RNF17: variants seen among roughly 807,000 people sequenced by gnomAD.
The protein encoded by RNF17 is ring finger protein 17.
A neutral mutation model predicts 200.5 loss-of-function variants in RNF17; 31 were observed. That is an observed-to-expected ratio of 0.15 (90% CI 0.12 to 0.21). The LOEUF is 0.21. RNF17 is among the 10% of genes least tolerant of loss of function. The probability of loss-of-function intolerance (pLI) is 1.00; values close to 1 mark genes in which losing one functional copy is unlikely to be tolerated. For synonymous variants in RNF17, 606 were observed against 637.8 expected, an observed-to-expected ratio of 0.95 and a Z score of 0.75; for missense variants, 1,628 against 1,905.1, an observed-to-expected ratio of 0.85 and a Z score of 2.71.
At chr13:24,858,968 T>C (rs1287870796) in intron 25 of RNF17, 33 bp from the exon 26 acceptor site, 1 of 1,388,462 alleles carries the variant, frequency 7.2e-7, no homozygotes, top group African/African-American at 1.4e-5. Context: ...GGAATTTTCC[T>C]TAATGCTTTC....
chr13:24,757,325 T>C, the RNF17 span, among the ~76,000 whole-genome samples: 1 of 151,602 alleles, frequency 6.6e-6, no homozygotes, highest in South Asian at 2.1e-4. Flanking sequence ...AATATTCTTT[T>C]TTTTTTTTTT....
In RNF17 at chr13:24,857,796, A is replaced by G. The variant is rs562353280; in HGVS notation, c.3611-1205A>G. Among the ~76,000 whole-genome samples the G allele has an allele frequency of 3.7e-4, 56 of 152,180 alleles. No individual in the cohort carries two copies. The East Asian group carries it at 0.011, about 29-fold the overall frequency. Reference sequence around the variant, plus strand: ...TGCCTGGGTCTCAGCTACTCAGGAAACTGAGGCAGGAGGATTGCTTGAGCC... The same window carrying G: ...TGCCTGGGTCTCAGCTACTCAGGAAGCTGAGGCAGGAGGATTGCTTGAGCC... On this transcript the variant is annotated intron_variant, in intron 25 of 35. Coordinates refer to ENST00000255324, the MANE Select transcript of RNF17 (RefSeq NM_031277.3).
intron 22 of RNF17, among the ~76,000 whole-genome samples, chr13:24,846,412 C>T (rs1328840780): frequency 6.6e-6 from 1 of 152,154 alleles, no homozygotes; most frequent in Non-Finnish European, 1.5e-5. Flanking sequence ...GGCCCTCCCC[C>T]AGAGGTTCAG....
rs774151069 is a variant in RNF17 at position 24,825,790 on chromosome 13, G to T, written c.2245+18G>T. The T allele has an allele frequency of 5.9e-5, 95 of 1,606,126 alleles. No homozygotes were observed. Among genetic ancestry groups the T allele is most frequent in the Non-Finnish European group, 7.4e-5 (87 of 1,175,700 alleles). On this transcript the variant is annotated intron_variant, in intron 16 of 35. Transcript: ENST00000255324. The stretch of plus-strand genomic sequence containing the variant: ...AGTTATCGGTAGGAGAATGCATGCT[G>T]TTTCTACAGGGAGATGTCATACTTC...
At chr13:24,851,661 T>A (rs1350648894) in intron 24 of RNF17, 90 bp downstream of exon 24, 12 of 730,862 alleles carry the variant, frequency 1.6e-5, no homozygotes, top group Non-Finnish European at 2.3e-5. Context: ...CAAGTCTGAA[T>A]TGCATCTTGT....
intron 18 of RNF17, among the ~76,000 whole-genome samples, chr13:24,837,648 G>A (rs887971536): frequency 6.6e-6 from 1 of 152,090 alleles, no homozygotes; most frequent in Admixed American, 6.5e-5. Context: ...CAAACTGAAC[G>A]ACATAATGAC....
At chr13:24,863,274 G>A (rs1372828948) in intron 28 of RNF17, among the ~76,000 whole-genome samples, 1 of 152,176 alleles carries the variant, frequency 6.6e-6, no homozygotes, top group Non-Finnish European at 1.5e-5. Context: ...AAGAGTAAAT[G>A]TAATAGGAAT....
intron 1 of RNF17, among the ~76,000 whole-genome samples, chr13:24,764,686 GA>G (rs1879330727): frequency 2.0e-5 from 3 of 152,200 alleles, no homozygotes. Flanking sequence ...TTGTCATCAA[GA>G]AGGAACGAAA....
In RNF17 at chr13:24,768,214, A is replaced by ATTTAATACAAATATAAGTG. The variant is rs780839616; in HGVS notation, c.225+850_225+868dup. Among the ~76,000 whole-genome samples the ATTTAATACAAATATAAGTG allele has an allele frequency of 7.1e-4, 108 of 152,152 alleles. 1 individual carries two copies. The highest frequency in any genetic ancestry group is 2.2e-3 in the Admixed American group (34 of 15,286). ...ATAAAATTTACTTGATATCCTATTC[A>ATTTAATACAAATATAAGTG]TTTAATACAAATATAAGTGTAGTTC... On this transcript the variant is annotated intron_variant, in intron 2 of 35. Coordinates refer to ENST00000255324, the MANE Select transcript of RNF17 (RefSeq NM_031277.3).
rs142254285 is a variant in RNF17, at chr13:24,839,399, A to G, written c.2483-2642A>G. Among the ~76,000 whole-genome samples the G allele has an allele frequency of 3.1e-3, 465 of 152,270 alleles. 15 individuals are homozygous for G. In the East Asian group the frequency reaches 0.072, roughly 23 times the overall value. On this transcript the variant is annotated intron_variant, in intron 18 of 35. Coordinates refer to ENST00000255324, the MANE Select transcript of RNF17 (RefSeq NM_031277.3). ...GAAAAAACAATTCTAAAATTCATATAGAACCAAAAAAGAGGCCACATAGCC... is the reference window on the plus strand; with the variant it reads ...GAAAAAACAATTCTAAAATTCATATGGAACCAAAAAAGAGGCCACATAGCC...
chr13:24,803,140 T>G (rs549866767), intron 14 of RNF17, among the ~76,000 whole-genome samples: 57 of 5,230 alleles, frequency 0.011, no homozygotes, highest in African/African-American at 0.013. Flanking sequence ...TTTGGACTCT[T>G]GATAACTATT....
chr13:24,765,334 T>A (rs1879510421), intron 1 of RNF17, among the ~76,000 whole-genome samples: 1 of 152,260 alleles, frequency 6.6e-6, no homozygotes, highest in Admixed American at 6.5e-5. Flanking sequence ...TATTTTAATG[T>A]AACTTAAAAT....
chr13:24,858,033 G>A (rs1480585742), intron 25 of RNF17, among the ~76,000 whole-genome samples: 1 of 152,146 alleles, frequency 6.6e-6, no homozygotes. Flanking sequence ...ATGTGCAAAT[G>A]CTGCAAATGC....
intron 25 of RNF17, among the ~76,000 whole-genome samples, chr13:24,854,474 T>C (rs1279331614): frequency 6.6e-6 from 1 of 152,060 alleles, no homozygotes; most frequent in Non-Finnish European, 1.5e-5. Flanking sequence ...CCAATTTTTT[T>C]TTTTAATGAA....
the RNF17 span, among the ~76,000 whole-genome samples, chr13:24,752,373 G>A: frequency 1.3e-5 from 2 of 152,332 alleles, no homozygotes; most frequent in East Asian, 3.9e-4. Context: ...CTGCCATACA[G>A]ATACACACAG....
chr13:24,763,549 G>T (rs962584393), upstream of RNF17, among the ~76,000 whole-genome samples: 7 of 152,058 alleles, frequency 4.6e-5, no homozygotes, highest in African/African-American at 1.7e-4. Flanking sequence ...TCTAACACAG[G>T]TCCGGTACAT....
At chr13:24,785,652 T>C (rs926875089) in intron 6 of RNF17, among the ~76,000 whole-genome samples, 2 of 152,150 alleles carry the variant, frequency 1.3e-5, no homozygotes, top group South Asian at 2.1e-4. Flanking sequence ...GCTTTATTGA[T>C]TCTACACTGG....
At chr13:24,868,294 C>G (rs1436848803) in intron 30 of RNF17, among the ~76,000 whole-genome samples, 7 of 150,072 alleles carry the variant, frequency 4.7e-5, no homozygotes, top group African/African-American at 1.7e-4. Context: ...AACGGTGAAA[C>G]CCCGTCTCTA....
Position 24,778,374 on chromosome 13 carries a change from A to G in RNF17, c.397A>G (p.Lys133Glu). ...TTTAGAACGTTCAGCCTCCACAGAC[A>G]AGACTCTTTTGAACTCATCAGCTGT... ...TGLERSASTDKTLLNSSAVML... is the reference protein window; with the variant it reads ...TGLERSASTDETLLNSSAVML... Residue 133 changes from lysine to glutamate, a missense_variant, in exon 4 of 36, where the codon AAG (lysine) becomes GAG (glutamate). Coordinates refer to ENST00000255324, the MANE Select transcript of RNF17 (RefSeq NM_031277.3). The G allele has an allele frequency of 6.2e-7, 1 of 1,613,638 alleles. No individual in the cohort carries two copies. Among genetic ancestry groups the G allele is most frequent in the East Asian group, 2.2e-5 (1 of 44,882 alleles).
Sources: allele counts gnomAD v4.1 joint callset (sites outside exome capture counted in the v4.1 genomes callset), GRCh38; gene constraint gnomAD v4.1.1; transcripts MANE v1.5; gene names NCBI Gene and HGNC (gene_info 2026-07-23, HGNC 2026-07-21).